Variants in AGBL1 observed in about 807,000 individuals in gnomAD.
AGBL1 encodes cytosolic carboxypeptidase 4.
Under a neutral mutation model 118.9 loss-of-function variants are expected in AGBL1, and 130 were observed. That is an observed-to-expected ratio of 1.09 (90% confidence interval 0.95 to 1.26). The LOEUF (loss-of-function observed/expected upper bound fraction) is 1.26, where lower values mean the gene tolerates loss of function less well. AGBL1 is among the 50% of genes most tolerant of loss of function. The pLI, the probability that AGBL1 is intolerant of heterozygous loss-of-function variation, is 0.00. For synonymous variants in AGBL1, 555 were observed against 478.9 expected (o/e 1.16, Z -2.08); for missense variants, 1,584 against 1,298.1 (o/e 1.22, Z -3.38).
At chr15:86,600,333 G>C (rs1017869875) in intron 21 of AGBL1, among the ~76,000 whole-genome samples, 1 of 152,094 alleles carries the variant, frequency 6.6e-6, no homozygotes, top group Non-Finnish European at 1.5e-5. Context: ...ACTAAACCTT[G>C]TGCACACATG....
chr15:86,372,459 C>T (rs1357994533), intron 17 of AGBL1, among the ~76,000 whole-genome samples: 1 of 152,118 alleles, frequency 6.6e-6, no homozygotes, highest in Non-Finnish European at 1.5e-5. Flanking sequence ...CCCATCATTT[C>T]CTCCCTTGGT....
At chr15:86,290,346 T>TC (rs1449254038) in intron 16 of AGBL1, among the ~76,000 whole-genome samples, 12 of 74,270 alleles carry the variant, frequency 1.6e-4, no homozygotes, top group African/African-American at 4.5e-4. Flanking sequence ...TTTCTTTCTT[T>TC]TTTTTTTTTT....
chr15:86,209,775 C>T (rs2078059860), intron 5 of AGBL1, among the ~76,000 whole-genome samples: 1 of 152,072 alleles, frequency 6.6e-6, no homozygotes, highest in Non-Finnish European at 1.5e-5. Context: ...TCCAATTTGC[C>T]AGTCTGTGTC....
intron 22 of AGBL1, among the ~76,000 whole-genome samples, chr15:86,784,574 A>G (rs1050252986): frequency 6.6e-6 from 1 of 152,122 alleles, no homozygotes; most frequent in Non-Finnish European, 1.5e-5. Context: ...TTCATTAACT[A>G]TATATTAAAA....
At chr15:86,660,630 T>A (rs748695323) in intron 21 of AGBL1, among the ~76,000 whole-genome samples, 3 of 152,162 alleles carry the variant, frequency 2.0e-5, no homozygotes, top group Admixed American at 2.0e-4. Flanking sequence ...AATTTACTTA[T>A]AGACTCAGTA....
intron 24 of AGBL1, among the ~76,000 whole-genome samples, chr15:87,022,772 C>T (rs573842304): frequency 5.9e-5 from 9 of 152,116 alleles, no homozygotes; most frequent in East Asian, 3.9e-4. Context: ...CAGCAGAAAC[C>T]GTACAAGCTA....
chr15:86,537,750 T>G (rs1440491623), intron 19 of AGBL1, among the ~76,000 whole-genome samples: 1 of 152,236 alleles, frequency 6.6e-6, no homozygotes, highest in Non-Finnish European at 1.5e-5. Flanking sequence ...CATCTGCAAG[T>G]TGCTTAACCT....
intron 22 of AGBL1, among the ~76,000 whole-genome samples, chr15:86,883,873 G>T (rs775341954): frequency 6.6e-6 from 1 of 152,064 alleles, no homozygotes; most frequent in South Asian, 2.1e-4. Flanking sequence ...AGGCACACTG[G>T]GTAACAAATC....
chr15:86,146,987 T>C (rs2077041459), intron 3 of AGBL1, among the ~76,000 whole-genome samples: 1 of 152,200 alleles, frequency 6.6e-6, no homozygotes, highest in African/African-American at 2.4e-5. Context: ...ACATCACCCA[T>C]TGACAGGTAT....
At chr15:86,870,234 G>A (rs1481258593) in intron 22 of AGBL1, among the ~76,000 whole-genome samples, 1 of 151,934 alleles carries the variant, frequency 6.6e-6, no homozygotes, top group Non-Finnish European at 1.5e-5. Flanking sequence ...GCTTTATATA[G>A]ACTAAGAGAA....
chr15:86,635,312 TCCTCCTCCTC>T (rs2085063281), intron 21 of AGBL1, among the ~76,000 whole-genome samples: 3 of 3,550 alleles, frequency 8.5e-4, no homozygotes, highest in Non-Finnish European at 1.9e-3. Context: ...CTCCTCCTCC[TCCTCCTCCTC>T]CTCCTCCTCC....
intron 5 of AGBL1, among the ~76,000 whole-genome samples, chr15:86,214,085 C>T (rs2141895891): frequency 6.6e-6 from 1 of 152,276 alleles, no homozygotes; most frequent in Admixed American, 6.5e-5. Context: ...GGTGCTAAGC[C>T]TTGGTACCGC....
intron 18 of AGBL1, among the ~76,000 whole-genome samples, chr15:86,473,224 G>T (rs1388900334): frequency 2.6e-5 from 4 of 152,154 alleles, no homozygotes; most frequent in Non-Finnish European, 4.4e-5. Flanking sequence ...CCCAGAATGG[G>T]ACCCTGATCC....
At chr15:86,905,572 G>C (rs2080270389) in intron 22 of AGBL1, among the ~76,000 whole-genome samples, 2 of 152,204 alleles carry the variant, frequency 1.3e-5, no homozygotes, top group Admixed American at 6.5e-5. Flanking sequence ...TGTGGTGATT[G>C]CCTTTATTTC....
rs992989065 is a variant in AGBL1 at position 87,017,182 on chromosome 15, G to A, written c.3324-11643G>A. 1.4e-3 allele frequency among the ~76,000 whole-genome samples: 214 copies of A among 152,198 alleles called. 1 individual carries two copies. Among genetic ancestry groups the A allele is most frequent in the African/African-American group, 4.9e-3 (204 of 41,548 alleles). The stretch of plus-strand genomic sequence containing the variant: ...AGGGGTGGCTGCCATTCTGTGTTCT[G>A]GTTGACTCAGCTTTTCCAGCCTGCC... On this transcript the variant is annotated intron_variant, in intron 24 of 24. Transcript: ENST00000441037.
chr15:86,560,400 T>G (rs1261794603), intron 21 of AGBL1, among the ~76,000 whole-genome samples: 1 of 152,106 alleles, frequency 6.6e-6, no homozygotes, highest in Non-Finnish European at 1.5e-5. Context: ...TTTGGTTTTT[T>G]GTCCCTGCAA....
At chr15:87,019,891 A>C (rs2081644964) in intron 24 of AGBL1, among the ~76,000 whole-genome samples, 1 of 151,968 alleles carries the variant, frequency 6.6e-6, no homozygotes, top group African/African-American at 2.4e-5. Flanking sequence ...ATAAAGAAGA[A>C]AGAAGAATCA....
intron 21 of AGBL1, among the ~76,000 whole-genome samples, chr15:86,595,341 C>T (rs1268279342): frequency 6.6e-6 from 1 of 152,126 alleles, no homozygotes; most frequent in Non-Finnish European, 1.5e-5. Flanking sequence ...TCAAAACTTG[C>T]TCCTCTCACC....
At chr15:86,331,627 GC>G (rs1486678909) in intron 17 of AGBL1, among the ~76,000 whole-genome samples, 1 of 152,220 alleles carries the variant, frequency 6.6e-6, no homozygotes, top group African/African-American at 2.4e-5. Flanking sequence ...TTACAAGCCA[GC>G]AGAGATCGGG....
Sources: gnomAD v4.1 joint callset for allele counts (sites outside exome capture counted in the v4.1 genomes callset) on GRCh38, gnomAD v4.1.1 for gene constraint, MANE v1.5 for transcripts, NCBI Gene and HGNC (gene_info 2026-07-23, HGNC 2026-07-21) for gene names.